Variants in KCNJ3 observed in about 807,000 individuals in gnomAD.
KCNJ3 encodes potassium inwardly rectifying channel subfamily J member 3.
A neutral mutation model predicts 39.2 loss-of-function variants in KCNJ3; 4 were observed. The ratio of observed to expected loss-of-function variants is 0.10; its 90% confidence interval spans 0.05 to 0.23. The LOEUF is 0.23. KCNJ3 is among the 10% of genes least tolerant of loss of function. The probability of loss-of-function intolerance (pLI) is 1.00; values close to 1 mark genes in which losing one functional copy is unlikely to be tolerated. For missense variants in KCNJ3, 276 were observed against 634.9 expected, an observed-to-expected ratio of 0.43 and a Z score of 6.08; for synonymous variants, 230 against 237.4, an observed-to-expected ratio of 0.97 and a Z score of 0.29.
intron 2 of KCNJ3, among the ~76,000 whole-genome samples, chr2:154,814,282 T>G (rs1687046273): frequency 6.6e-6 from 1 of 152,196 alleles, no homozygotes; most frequent in African/African-American, 2.4e-5. Context: ...AAATATATAG[T>G]GTCTAATATA....
intron 2 of KCNJ3, among the ~76,000 whole-genome samples, chr2:154,851,789 A>T (rs1195024939): frequency 1.3e-5 from 2 of 152,174 alleles, no homozygotes; most frequent in East Asian, 3.9e-4. Context: ...ACACGTTTCC[A>T]CTGTAGATGT....
rs1687819682 is a variant in KCNJ3 at position 154,855,391 on chromosome 2, A to C, written c.*78A>C. 2.1e-6 allele frequency: 2 copies of C among 964,460 alleles called. No homozygotes were observed. Among genetic ancestry groups the C allele is most frequent in the Non-Finnish European group, 3.0e-6 (2 of 655,868 alleles). 59.7% of individuals were successfully genotyped at this position (964,460 alleles called of 1,614,324 possible). On this transcript the variant is annotated 3_prime_UTR_variant, in exon 3 of 3. Coordinates refer to ENST00000295101, the MANE Select transcript of KCNJ3 (RefSeq NM_002239.4). Reference sequence around the variant, plus strand: ...TTTGGCGATGAGGTAATTCTCCCTAAGGAATCTGAAAGTATATTTTCCTCC... The same window carrying C: ...TTTGGCGATGAGGTAATTCTCCCTACGGAATCTGAAAGTATATTTTCCTCC...
At chr2:154,786,414 A>C (rs1388778842) in intron 2 of KCNJ3, among the ~76,000 whole-genome samples, 1 of 152,218 alleles carries the variant, frequency 6.6e-6, no homozygotes. Context: ...TCATTTCTGA[A>C]GGATGAGACA....
intron 2 of KCNJ3, among the ~76,000 whole-genome samples, chr2:154,750,783 T>G (rs1160923356): frequency 6.6e-6 from 1 of 152,006 alleles, no homozygotes; most frequent in Non-Finnish European, 1.5e-5. Flanking sequence ...TAGACCAAAA[T>G]GAACAAAGGT....
At chr2:154,810,793 T>G (rs1189474496) in intron 2 of KCNJ3, among the ~76,000 whole-genome samples, 1 of 151,564 alleles carries the variant, frequency 6.6e-6, no homozygotes, top group African/African-American at 2.4e-5. Context: ...CTAAGCTATT[T>G]CTCAGGCTAG....
At chr2:154,711,197 A>G (rs183662723) in intron 2 of KCNJ3, among the ~76,000 whole-genome samples, 51 of 152,252 alleles carry the variant, frequency 3.3e-4, no homozygotes, top group African/African-American at 1.2e-3. Flanking sequence ...ATTTTTTAAA[A>G]TACCATATAT....
chr2:154,848,993 A>G (rs1441738210), intron 2 of KCNJ3, among the ~76,000 whole-genome samples: 1 of 152,184 alleles, frequency 6.6e-6, no homozygotes, highest in African/African-American at 2.4e-5. Flanking sequence ...TAATTATACT[A>G]CTAGTGATAA....
intron 2 of KCNJ3, among the ~76,000 whole-genome samples, chr2:154,767,874 C>G (rs1686162908): frequency 6.6e-6 from 1 of 152,148 alleles, no homozygotes; most frequent in Admixed American, 6.6e-5. Flanking sequence ...TTAATGATTG[C>G]CATTCTAACT....
At chr2:154,821,793 A>T (rs985490470) in intron 2 of KCNJ3, among the ~76,000 whole-genome samples, 13 of 151,818 alleles carry the variant, frequency 8.6e-5, no homozygotes, top group Admixed American at 4.6e-4. Context: ...GACATGTGCC[A>T]CCACACCTGG....
At chr2:154,820,638 T>C (rs1274859348) in intron 2 of KCNJ3, among the ~76,000 whole-genome samples, 2 of 152,162 alleles carry the variant, frequency 1.3e-5, no homozygotes, top group Non-Finnish European at 2.9e-5. Flanking sequence ...TTCTGTCTTC[T>C]AGTGAACAGT....
intron 2 of KCNJ3, among the ~76,000 whole-genome samples, chr2:154,831,741 T>C (rs899223849): frequency 6.6e-6 from 1 of 152,204 alleles, no homozygotes; most frequent in African/African-American, 2.4e-5. Context: ...ACATGCAGTC[T>C]AGGTCAGGGA....
chr2:154,815,340 C>A (rs1231329650), intron 2 of KCNJ3, among the ~76,000 whole-genome samples: 2 of 152,158 alleles, frequency 1.3e-5, no homozygotes, highest in African/African-American at 4.8e-5. Flanking sequence ...ATGGCTAATT[C>A]TATTCCAAAG....
At chr2:154,707,117 A>T (rs1685023364) in intron 1 of KCNJ3, among the ~76,000 whole-genome samples, 1 of 152,168 alleles carries the variant, frequency 6.6e-6, no homozygotes, top group Non-Finnish European at 1.5e-5. Context: ...CTGGATACAT[A>T]CGTAAAGAAT....
At chr2:154,771,669 T>A (rs538117558) in intron 2 of KCNJ3, among the ~76,000 whole-genome samples, 1 of 152,218 alleles carries the variant, frequency 6.6e-6, no homozygotes, top group Non-Finnish European at 1.5e-5. Flanking sequence ...ACAGTTGGTA[T>A]TGACTGTGTC....
At chr2:154,797,403 T>A (rs902821349) in intron 2 of KCNJ3, among the ~76,000 whole-genome samples, 6 of 152,160 alleles carry the variant, frequency 3.9e-5, no homozygotes, top group Admixed American at 3.9e-4. Flanking sequence ...GTCTTCTTTT[T>A]AAAATATTTA....
chr2:154,787,885 C>A (rs750757296), intron 2 of KCNJ3, among the ~76,000 whole-genome samples: 1 of 152,046 alleles, frequency 6.6e-6, no homozygotes, highest in Non-Finnish European at 1.5e-5. Flanking sequence ...TAAATGAGAT[C>A]TAGTACCTTT....
intron 2 of KCNJ3, among the ~76,000 whole-genome samples, chr2:154,792,076 C>A (rs569213146): frequency 6.6e-6 from 1 of 152,142 alleles, no homozygotes; most frequent in Admixed American, 6.6e-5. Context: ...GGAAAGCAGT[C>A]CACTGCCGTC....
chr2:154,854,682 C>G, intron 2 of KCNJ3, 45 bp from the exon 3 acceptor site: 1 of 1,442,104 alleles, frequency 6.9e-7, no homozygotes, highest in South Asian at 1.3e-5. Context: ...TTTACATGTG[C>G]TTCCACTATG....
intron 2 of KCNJ3, among the ~76,000 whole-genome samples, chr2:154,845,466 A>ATAGTT (rs984944924): frequency 1.2e-4 from 19 of 152,176 alleles, no homozygotes; most frequent in African/African-American, 4.6e-4. Context: ...TGTTTCAACA[A>ATAGTT]TAGTTTTATA....
Sources: allele counts gnomAD v4.1 joint callset (sites outside exome capture counted in the v4.1 genomes callset), GRCh38; gene constraint gnomAD v4.1.1; transcripts MANE v1.5; gene names NCBI Gene and HGNC (gene_info 2026-07-23, HGNC 2026-07-21).